The following MAP2 variants were observed in gnomAD, a reference collection of about 807,000 sequenced individuals.
The protein encoded by MAP2 is microtubule associated protein 2, also known as microtubule-associated protein 2.
In MAP2, 14 loss-of-function variants were observed where a neutral mutation model predicts 137.6. That is an observed-to-expected ratio of 0.10 (90% CI 0.07 to 0.16). The LOEUF is 0.16. Among genes scored for constraint, MAP2 ranks in the 10% least tolerant of loss-of-function variants. The pLI, the probability that MAP2 is intolerant of heterozygous loss-of-function variation, is 1.00. For missense variants in MAP2, 2,088 were observed against 2,191.5 expected (o/e 0.95, Z 0.94); for synonymous variants, 786 against 782.3 (o/e 1.00, Z -0.08).
In MAP2 at chr2:209,693,426, C is replaced by G; in HGVS notation, c.1256C>G (p.Thr419Ser). The change falls in exon 8 of 16, where the codon ACT becomes AGT. Residue 419 changes from threonine (T) to serine (S), a missense_variant. This residue lies in a region of MAP2 where 859 missense variants were observed against 794.5 expected (regional missense o/e 1.08). Coordinates refer to ENST00000682079, the MANE Select transcript of MAP2 (RefSeq NM_001375505.1). ...EEEKEAINQE[T>S]VQQRDTFTPS... ...GAAAAGGAGGCCATAAATCAAGAGA[C>G]TGTGCAGCAAAGGGATACTTTCACC... The G allele has an allele frequency of 6.2e-7, 1 of 1,613,886 alleles. No individual in the cohort carries two copies. The highest frequency in any genetic ancestry group is 1.3e-5 in the African/African-American group (1 of 74,976).
chr2:209,599,943 T>C (rs2082494594), intron 3 of MAP2, among the ~76,000 whole-genome samples: 1 of 152,192 alleles, frequency 6.6e-6, no homozygotes, highest in African/African-American at 2.4e-5. Flanking sequence ...ATATAATTAG[T>C]AGTAATTACT....
chr2:209,726,028 C>T (rs964619497), intron 14 of MAP2, among the ~76,000 whole-genome samples: 2 of 152,050 alleles, frequency 1.3e-5, no homozygotes, highest in African/African-American at 4.8e-5. Flanking sequence ...GTACATAAGA[C>T]GCATTTATCT....
chr2:209,658,707 A>G (rs1270722209), intron 5 of MAP2, among the ~76,000 whole-genome samples: 1 of 151,970 alleles, frequency 6.6e-6, no homozygotes, highest in Non-Finnish European at 1.5e-5. Context: ...GGGTTTCACC[A>G]TGTTGGCCAG....
chr2:209,705,339 A>T, intron 11 of MAP2: 1 of 282,368 alleles, frequency 3.5e-6, no homozygotes, highest in Non-Finnish European at 6.5e-6. Flanking sequence ...TATCATTTAG[A>T]ACTTGAACTT....
At chr2:209,646,620 A>G (rs527795355) in intron 4 of MAP2, among the ~76,000 whole-genome samples, 6 of 152,290 alleles carry the variant, frequency 3.9e-5, no homozygotes, top group Admixed American at 1.3e-4. Flanking sequence ...AGACCTACCC[A>G]TCAGCTACAA....
At chr2:209,480,425 A>G (rs989445270) in intron 1 of MAP2, among the ~76,000 whole-genome samples, 1 of 152,132 alleles carries the variant, frequency 6.6e-6, no homozygotes, top group East Asian at 1.9e-4. Flanking sequence ...TTTCTGGCTG[A>G]GTCTGTGGAT....
intron 11 of MAP2, chr2:209,704,720 T>C: frequency 3.6e-6 from 4 of 1,123,874 alleles, no homozygotes; most frequent in Non-Finnish European, 4.9e-6. Flanking sequence ...GCAAATACTT[T>C]ACTCTGAAGT....
chr2:209,526,172 G>A (rs1216060173), intron 2 of MAP2, among the ~76,000 whole-genome samples: 1 of 152,078 alleles, frequency 6.6e-6, no homozygotes, highest in East Asian at 1.9e-4. Context: ...AACTAGCAGT[G>A]GATTAGCAAT....
intron 1 of MAP2, among the ~76,000 whole-genome samples, chr2:209,480,537 AGTTTGTTT>A (rs71043928): frequency 2.7e-5 from 4 of 150,518 alleles, no homozygotes; most frequent in Non-Finnish European, 4.4e-5. Context: ...GATGATCTAA[AGTTTGTTT>A]GTTTGTTTGT....
chr2:209,454,461 G>A (rs1214965168), intron 1 of MAP2, among the ~76,000 whole-genome samples: 1 of 151,808 alleles, frequency 6.6e-6, no homozygotes, highest in Non-Finnish European at 1.5e-5. Context: ...TCAGCCTCCC[G>A]AGTAGCTGGG....
intron 3 of MAP2, among the ~76,000 whole-genome samples, chr2:209,593,721 TA>T (rs1471305729): frequency 2.8e-5 from 2 of 71,356 alleles, no homozygotes; most frequent in Admixed American, 2.5e-4. Context: ...ATATTATATA[TA>T]AATATATAAT....
At position 209,598,015 on chromosome 2, in the gene MAP2, A is replaced by AT. The variant is rs199542736; in HGVS notation, c.-107+17923dup. 8.8e-3 allele frequency among the ~76,000 whole-genome samples: 1,339 copies of AT among 151,412 alleles called. 11 individuals are homozygous for AT. Among genetic ancestry groups the AT allele is most frequent in the Middle Eastern group, 0.017 (5 of 294 alleles). Reference sequence around the variant, plus strand: ...CCTATTCTTTTTTATTTATTTATTTATTTTTTTTGAGACTGAGTCTTGCTC... The same window carrying AT: ...CCTATTCTTTTTTATTTATTTATTTATTTTTTTTTGAGACTGAGTCTTGCTC... On this transcript the variant is annotated intron_variant, in intron 3 of 15. Coordinates refer to ENST00000682079, the MANE Select transcript of MAP2 (RefSeq NM_001375505.1).
At chr2:209,595,968 A>T (rs748344457) in intron 3 of MAP2, among the ~76,000 whole-genome samples, 10 of 152,094 alleles carry the variant, frequency 6.6e-5, no homozygotes, top group Non-Finnish European at 1.2e-4. Context: ...GGTAGGAGGC[A>T]GGGGGAGGGA....
intron 3 of MAP2, among the ~76,000 whole-genome samples, chr2:209,607,680 C>A (rs1295694203): frequency 6.6e-6 from 1 of 152,150 alleles, no homozygotes; most frequent in Non-Finnish European, 1.5e-5. Context: ...GGTGATCCAC[C>A]CACCTTGGCC....
chr2:209,695,282 C>T lies in MAP2; in HGVS notation c.3112C>T (p.Leu1038=). 1 of 1,613,892 alleles carries T rather than the reference C, an allele frequency of 6.2e-7. No individual in the cohort carries two copies. The highest frequency in any genetic ancestry group is 8.5e-7 in the Non-Finnish European group (1 of 1,179,952). The change falls in exon 8 of 16, where the codon CTG becomes TTG. Residue 1038 remains leucine (L), a synonymous_variant. Coordinates refer to ENST00000682079, the MANE Select transcript of MAP2 (RefSeq NM_001375505.1). The part of the protein sequence containing the change: ...VEPSKKVEQG[L]DFAVQGQLDV... Reference sequence around the variant, plus strand: ...ACCATCCAAAAAGGTGGAACAAGGTCTGGATTTTGCTGTCCAGGGTCAACT... The same window carrying T: ...ACCATCCAAAAAGGTGGAACAAGGTTTGGATTTTGCTGTCCAGGGTCAACT...
intron 3 of MAP2, among the ~76,000 whole-genome samples, chr2:209,593,632 A>ATAT (rs1553608210): frequency 1.5e-4 from 9 of 61,116 alleles, no homozygotes; most frequent in South Asian, 1.0e-3. Context: ...AAAAAAAAAA[A>ATAT]AAATATATAT....
At chr2:209,460,873 C>G (rs1042272223) in intron 1 of MAP2, among the ~76,000 whole-genome samples, 5 of 151,732 alleles carry the variant, frequency 3.3e-5, no homozygotes, top group Non-Finnish European at 7.4e-5. Flanking sequence ...CTCAGCCTCC[C>G]GAGTAGCTGG....
intron 1 of MAP2, among the ~76,000 whole-genome samples, chr2:209,483,441 G>T (rs2057975652): frequency 6.6e-6 from 1 of 152,164 alleles, no homozygotes; most frequent in Non-Finnish European, 1.5e-5. Context: ...AGTGATGGTG[G>T]CCTGTGCCTG....
Position 209,511,267 on chromosome 2 carries a change from C to G in MAP2, c.-172+3626C>G, listed in dbSNP as rs80332280. On this transcript the variant is annotated intron_variant, in intron 2 of 15. Transcript: ENST00000682079. The stretch of plus-strand genomic sequence containing the variant: ...ATTTTGTATCCGTTTCTTCTTCATC[C>G]TATACACTAACCTTTTATCCTTCCT... Among the ~76,000 whole-genome samples the G allele has an allele frequency of 7.3e-4, 111 of 152,182 alleles. 1 individual carries two copies. The highest frequency in any genetic ancestry group is 2.5e-3 in the African/African-American group (104 of 41,548).
Sources: allele counts gnomAD v4.1 joint callset (sites outside exome capture counted in the v4.1 genomes callset), GRCh38; gene constraint gnomAD v4.1.1; regional missense constraint gnomAD v4.1.1; transcripts MANE v1.5; gene names NCBI Gene and HGNC (gene_info 2026-07-23, HGNC 2026-07-21).